Variants in CIP2A observed in about 807,000 individuals in gnomAD.
CIP2A encodes the protein protein CIP2A.
In CIP2A, 103 loss-of-function variants were observed where a neutral mutation model predicts 110.9. The observed-to-expected ratio is 0.93, with a 90% CI of 0.79 to 1.09. The LOEUF (loss-of-function observed/expected upper bound fraction) is 1.09, where lower values mean the gene tolerates loss of function less well. Among genes scored for constraint, CIP2A ranks in the 50% least tolerant of loss-of-function variants. The probability of loss-of-function intolerance (pLI) is 0.00; values close to 1 mark genes in which losing one functional copy is unlikely to be tolerated. For synonymous variants in CIP2A, 381 were observed against 361.6 expected, an observed-to-expected ratio of 1.05 and a Z score of -0.61; for missense variants, 1,088 against 1,038.4, an observed-to-expected ratio of 1.05 and a Z score of -0.66.
At chr3:108,552,126 C>G (rs1173393454) in intron 20 of CIP2A, 108 bp downstream of exon 20, 2 of 791,606 alleles carry the variant, frequency 2.5e-6, no homozygotes, top group South Asian at 2.0e-5. Flanking sequence ...ATCCTAATAT[C>G]TTCTAAAAAA....
In CIP2A at chr3:108,566,582, T is replaced by TG; in HGVS notation, c.1329dup (p.Lys444GlnfsTer16). 1 of 1,606,178 alleles carries TG rather than the reference T, an allele frequency of 6.2e-7. No individual in the cohort carries two copies. The highest frequency in any genetic ancestry group is 1.7e-5 in the Admixed American group (1 of 58,896). On this transcript the variant is annotated frameshift_variant, in exon 11 of 21. Transcript: ENST00000295746. LOFTEE classifies it high-confidence loss of function. ...TGTTGTTCTATAAGAGTGGTACACT[T>TG]GACAGTTGTCAAGATTTTTGCAATA...
At chr3:108,568,447 T>G (rs1267902050) in intron 9 of CIP2A, 133 bp from the exon 10 acceptor site, 1 of 578,136 alleles carries the variant, frequency 1.7e-6, no homozygotes, top group Admixed American at 3.8e-5. Flanking sequence ...CTAAGTCTCC[T>G]GTGAATATTT....
At chr3:108,554,583 A>T (rs1937720062) in intron 17 of CIP2A, 94 bp from the exon 18 acceptor site, 3 of 602,326 alleles carry the variant, frequency 5.0e-6, no homozygotes, top group Non-Finnish European at 8.9e-6. Flanking sequence ...ATCTCTTCTA[A>T]CCAAATTGCA....
chr3:108,575,629 CGTGTAT>C (rs1576313148), intron 8 of CIP2A, among the ~76,000 whole-genome samples: 3 of 127,088 alleles, frequency 2.4e-5, no homozygotes, highest in East Asian at 2.4e-4. Flanking sequence ...TGTATATATA[CGTGTAT>C]ATATACTCAT....
chr3:108,589,399 G>T lies in CIP2A; in HGVS notation c.-24C>A. ...ATTGCACCGGCCGCGGCCCGGCTTAGGGACCACCACCGCCCAGCGTGCGCC... is the reference window on the plus strand; with the variant it reads ...ATTGCACCGGCCGCGGCCCGGCTTATGGACCACCACCGCCCAGCGTGCGCC... On this transcript the variant is annotated 5_prime_UTR_variant, in exon 1 of 21. Transcript: ENST00000295746. 6.4e-7 allele frequency: 1 copy of T among 1,564,234 alleles called. No homozygotes were observed. The highest frequency in any genetic ancestry group is 8.8e-7 in the Non-Finnish European group (1 of 1,139,524).
At position 108,559,798 on chromosome 3, in the gene CIP2A, T is replaced by C; in HGVS notation, c.1972A>G (p.Ile658Val). The change falls in exon 16 of 21, where the codon ATT (isoleucine) becomes GTT (valine). Residue 658 changes from isoleucine to valine, a missense_variant. Ile to Val is a conservative substitution (Grantham distance 29, BLOSUM62 3). Coordinates refer to ENST00000295746, the MANE Select transcript of CIP2A (RefSeq NM_020890.3). ...GTTCTTTGACAGCGATGCTGAGCAA[T>C]CAGTCTATCAGCCTGTGCAAGGGCT... ...ALALAQADRL[I>V]AQHRCQRTQA... is the part of the protein sequence containing the mutation. The C allele has an allele frequency of 6.3e-7, 1 of 1,594,310 alleles. No homozygotes were observed. The highest frequency in any genetic ancestry group is 8.6e-7 in the Non-Finnish European group (1 of 1,165,216).
At chr3:108,561,307 C>T (rs868507281) in intron 13 of CIP2A, among the ~76,000 whole-genome samples, 15 of 152,272 alleles carry the variant, frequency 9.9e-5, no homozygotes, top group African/African-American at 3.4e-4. Context: ...TTATCTGGAA[C>T]ACGCTTTCTA....
rs921733628 is a variant in CIP2A, at chr3:108,550,995, T to C, written c.*154A>G. 4 of 370,070 alleles carry C rather than the reference T, an allele frequency of 1.1e-5. No individual in the cohort carries two copies. Among genetic ancestry groups the C allele is most frequent in the Non-Finnish European group, 1.9e-5 (4 of 215,864 alleles). The allele number at this position is 370,070 out of a possible 1,614,324, so 22.9% of individuals were successfully genotyped here. On this transcript the variant is annotated 3_prime_UTR_variant, in exon 21 of 21. Transcript: ENST00000295746. ...TTAAATTTCTATTCAAACTATCAAA[T>C]AAAAAACATGCAACAGATCAGGGTC...
At chr3:108,563,365 A>G (rs1296762292) in intron 12 of CIP2A, 121 bp from the exon 13 acceptor site, 1 of 680,142 alleles carries the variant, frequency 1.5e-6, no homozygotes, top group African/African-American at 1.8e-5. Flanking sequence ...AAATGTTTCT[A>G]ATGTTTGAAT....
At position 108,580,026 on chromosome 3, in the gene CIP2A, T is replaced by A. The variant is rs541729655; in HGVS notation, c.550-338A>T. ...GTGTCAATTCTAATAAAGGGACACATGCAGAGTGGAAACAAAAGAGCTACC... is the reference window on the plus strand; with the variant it reads ...GTGTCAATTCTAATAAAGGGACACAAGCAGAGTGGAAACAAAAGAGCTACC... On this transcript the variant is annotated intron_variant, in intron 5 of 20. Coordinates refer to ENST00000295746, the MANE Select transcript of CIP2A (RefSeq NM_020890.3). Among the ~76,000 whole-genome samples, 6 of 152,320 alleles carry A rather than the reference T, an allele frequency of 3.9e-5. 1 individual carries two copies. Among genetic ancestry groups the A allele is most frequent in the African/African-American group, 1.2e-4 (5 of 41,566 alleles).
Position 108,568,277 on chromosome 3 carries a change from C to T in CIP2A, c.1151G>A (p.Arg384His), listed in dbSNP as rs750402692. 3.7e-6 allele frequency: 6 copies of T among 1,612,098 alleles called. No individual in the cohort carries two copies. Among genetic ancestry groups the T allele is most frequent in the South Asian group, 1.1e-5 (1 of 91,008 alleles). Residue 384 changes from arginine to histidine, a missense_variant, in exon 10 of 21, where the codon CGT becomes CAT. By Grantham distance (29) the Arg-to-His change is conservative. Transcript: ENST00000295746. ...TGTAGGCAGCAGAAGGGTCACAAAA[C>T]GATCAGCCGAGGAACAGTTAGCAGC... ...IDAANCSSADRFVTLLLPTIL... is the reference protein window; with the variant it reads ...IDAANCSSADHFVTLLLPTIL...
chr3:108,558,626 T>C (rs73850527), intron 16 of CIP2A, among the ~76,000 whole-genome samples: 3 of 151,982 alleles, frequency 2.0e-5, no homozygotes, highest in African/African-American at 7.3e-5. Context: ...TAAGCGTAGG[T>C]TTGATACACA....
intron 10 of CIP2A, among the ~76,000 whole-genome samples, chr3:108,567,171 A>T (rs1044799839): frequency 6.6e-6 from 1 of 151,598 alleles, no homozygotes; most frequent in African/African-American, 2.4e-5. Context: ...AACACACACC[A>T]CCTAATGATT....
In CIP2A at chr3:108,558,470, T is replaced by C. The variant is rs545488741; in HGVS notation, c.2014-1056A>G. ...GTTCACTCTTAAGGTATACATTATA[T>C]ATGTACATAATACAATGCCAAATTT... On this transcript the variant is annotated intron_variant, in intron 16 of 20. Transcript: ENST00000295746. 1.5e-4 allele frequency among the ~76,000 whole-genome samples: 23 copies of C among 152,250 alleles called. No individual in the cohort carries two copies. In the South Asian group the frequency reaches 2.7e-3, roughly 18 times the overall value.
intron 12 of CIP2A, 52 bp from the exon 13 acceptor site, chr3:108,563,296 A>G: frequency 1.9e-6 from 2 of 1,058,094 alleles, no homozygotes; most frequent in Non-Finnish European, 1.5e-6. Flanking sequence ...AAACAATGTC[A>G]GCTCTTTTAG....
chr3:108,557,414 C>A lies in CIP2A; in HGVS notation c.2014G>T (p.Ala672Ser). The change falls in exon 17 of 21, where the codon GCA becomes TCA. Residue 672 changes from alanine (A) to serine (S), a missense_variant and splice_region_variant. Coordinates refer to ENST00000295746, the MANE Select transcript of CIP2A (RefSeq NM_020890.3). ...RCQRTQAETE[A>S]RTLASMLREV... is the part of the protein sequence containing the mutation. ...CTCAACATACTAGCAAGTGTCCGTG[C>A]CTCAAAAAAAAAAAGAAGATAGACT... 1.3e-6 allele frequency: 2 copies of A among 1,569,006 alleles called. No individual in the cohort carries two copies. Among genetic ancestry groups the A allele is most frequent in the Admixed American group, 1.9e-5 (1 of 52,300 alleles).
At position 108,563,251 on chromosome 3, in the gene CIP2A, A is replaced by C. The variant is rs1376887142; in HGVS notation, c.1516-7T>G. On this transcript the variant is annotated splice_polypyrimidine_tract_variant and splice_region_variant and intron_variant, in intron 12 of 20. Transcript: ENST00000295746. The stretch of plus-strand genomic sequence containing the variant: ...GAGTAATCAAACGTGGGTCCTAAAT[A>C]AATCAGAAACCAAAAAAGAAGCAGC... 1.9e-6 allele frequency: 3 copies of C among 1,551,358 alleles called. No individual in the cohort carries two copies. The South Asian group carries it at 3.4e-5, about 17-fold the overall frequency.
In CIP2A at chr3:108,554,135, C is replaced by T. The variant is rs974697475; in HGVS notation, c.2324+241G>A. On this transcript the variant is annotated intron_variant, in intron 18 of 20. Transcript: ENST00000295746. ...GGTCTCAAACTCCTGACCTCATGCGCTCCACCCACCTCAGCCTCCCAAAGT... is the reference window on the plus strand; with the variant it reads ...GGTCTCAAACTCCTGACCTCATGCGTTCCACCCACCTCAGCCTCCCAAAGT... Among the ~76,000 whole-genome samples the T allele has an allele frequency of 3.3e-5, 5 of 151,856 alleles. 1 individual carries two copies. In the East Asian group the frequency reaches 5.8e-4, roughly 18 times the overall value.
intron 1 of CIP2A, 21 bp from the exon 2 acceptor site, chr3:108,585,233 T>C: frequency 6.3e-7 from 1 of 1,582,140 alleles, no homozygotes; most frequent in Non-Finnish European, 8.6e-7. Flanking sequence ...GTAATCAAAA[T>C]GTGTTGGTTA....
Sources: gnomAD v4.1 joint callset for allele counts (sites outside exome capture counted in the v4.1 genomes callset) on GRCh38, gnomAD v4.1.1 for gene constraint, MANE v1.5 for transcripts, NCBI Gene and HGNC (gene_info 2026-07-23, HGNC 2026-07-21) for gene names.